Variants in GABRA3 observed in about 807,000 individuals in gnomAD.
GABRA3 encodes gamma-aminobutyric acid type A receptor subunit alpha3.
A neutral mutation model predicts 30.1 loss-of-function variants in GABRA3; 10 were observed. The ratio of observed to expected loss-of-function variants is 0.33; its 90% confidence interval spans 0.20 to 0.56. The LOEUF (loss-of-function observed/expected upper bound fraction) is 0.56. Among genes scored for constraint, GABRA3 ranks in the 20% least tolerant of loss-of-function variants. The pLI is 0.89. For missense variants in GABRA3, 233 were observed against 392.0 expected (o/e 0.59, Z 3.42); for synonymous variants, 151 against 146.8 (o/e 1.03, Z -0.21).
At chrX:152,409,046 T>C (rs1046135592) in intron 1 of GABRA3, among the ~76,000 whole-genome samples, 1 of 111,804 alleles carries the variant, frequency 8.9e-6, no homozygotes, top group African/African-American at 3.3e-5. Context: ...AACCCCTGCT[T>C]CTCACCATAC....
intron 4 of GABRA3, among the ~76,000 whole-genome samples, chrX:152,262,281 T>A (rs778778896): frequency 2.7e-5 from 3 of 112,749 alleles, no homozygotes; most frequent in Non-Finnish European, 5.6e-5. Context: ...ATTGTCTTGG[T>A]AAATAACATT....
chrX:152,228,182 T>C (rs1255580686), intron 5 of GABRA3, among the ~76,000 whole-genome samples: 1 of 111,254 alleles, frequency 9.0e-6, no homozygotes, highest in Non-Finnish European at 1.9e-5. Flanking sequence ...CTTGAAGGGA[T>C]ATTGACAATC....
At chrX:152,205,592 C>G (rs1483017587) in intron 7 of GABRA3, among the ~76,000 whole-genome samples, 1 of 111,642 alleles carries the variant, frequency 9.0e-6, no homozygotes, top group Non-Finnish European at 1.9e-5. Context: ...TCATCATTGT[C>G]AACTATGCTC....
At chrX:152,324,693 C>A (rs1258780518) in intron 3 of GABRA3, among the ~76,000 whole-genome samples, 2 of 111,067 alleles carry the variant, frequency 1.8e-5, no homozygotes. Context: ...TTCAATGATA[C>A]AGATAAAAAT....
chrX:152,312,265 A>G (rs981840922), intron 3 of GABRA3, among the ~76,000 whole-genome samples: 1 of 112,203 alleles, frequency 8.9e-6, no homozygotes, highest in African/African-American at 3.2e-5. Context: ...CCAAAACAGT[A>G]TGGCACTAGA....
At chrX:152,199,182 T>A (rs147789656) in intron 7 of GABRA3, among the ~76,000 whole-genome samples, 20 of 109,216 alleles carry the variant, frequency 1.8e-4, no homozygotes, top group African/African-American at 4.7e-4. Context: ...CTGGCTAACA[T>A]GGTGAAACCC....
intron 5 of GABRA3, among the ~76,000 whole-genome samples, chrX:152,238,063 C>T (rs1383820761): frequency 9.3e-6 from 1 of 107,619 alleles, no homozygotes; most frequent in Non-Finnish European, 1.9e-5. Flanking sequence ...GCATCCCTGT[C>T]TTGTGCCAGT....
Position 152,241,046 on chromosome X carries a change from G to A in GABRA3, c.551+14732C>T, listed in dbSNP as rs769079458. 2.0e-3 allele frequency among the ~76,000 whole-genome samples: 219 copies of A among 109,923 alleles called. 1 individual carries two copies. The highest frequency in any genetic ancestry group is 6.6e-3 in the African/African-American group (199 of 30,243). ...TGTTCCGTTGCTGGTGAGGAACTGC[G>A]TTCCTTTGGAGGAGGAGAAGAGGCG... is the stretch of plus-strand genomic sequence containing the variant. On this transcript the variant is annotated intron_variant, in intron 5 of 9. Coordinates refer to ENST00000370314, the MANE Select transcript of GABRA3 (RefSeq NM_000808.4).
At chrX:152,202,771 C>T (rs1412994375) in intron 7 of GABRA3, among the ~76,000 whole-genome samples, 1 of 111,757 alleles carries the variant, frequency 8.9e-6, no homozygotes. Flanking sequence ...AATAAAACTC[C>T]AGATTATATT....
chrX:152,167,860 C>T lies in GABRA3; in HGVS notation c.*368G>A, dbSNP rs1936955248. The T allele has an allele frequency of 5.3e-6, 1 of 189,821 alleles. No homozygotes were observed. The highest frequency in any genetic ancestry group is 3.0e-5 in the African/African-American group (1 of 33,813). The allele number at this position is 189,821 out of a possible 1,213,427, so 15.6% of individuals were successfully genotyped here. A position where few individuals can be genotyped will look rare whatever the true frequency, so the allele number is the denominator to read the frequency against. On this transcript the variant is annotated 3_prime_UTR_variant, in exon 10 of 10. Coordinates refer to ENST00000370314, the MANE Select transcript of GABRA3 (RefSeq NM_000808.4). The stretch of plus-strand genomic sequence containing the variant: ...ATGGGAGTCAACAATTCTCCTTGTT[C>T]TGGGCCTCTCAAACAGCCAAGGCTT...
At chrX:152,290,114 C>G (rs1462744677) in intron 3 of GABRA3, among the ~76,000 whole-genome samples, 3 of 109,498 alleles carry the variant, frequency 2.7e-5, no homozygotes, top group Non-Finnish European at 5.7e-5. Flanking sequence ...AATGATTGAA[C>G]TAGTTTACCC....
chrX:152,321,976 A>T lies in GABRA3; in HGVS notation c.262+23605T>A, dbSNP rs1384469338. On this transcript the variant is annotated intron_variant, in intron 3 of 9. Transcript: ENST00000370314. Reference sequence around the variant, plus strand: ...AATCATAGAATTGCTACATGACCCCACAATTCCACTCCTAGGTATAAAACC... The same window carrying T: ...AATCATAGAATTGCTACATGACCCCTCAATTCCACTCCTAGGTATAAAACC... Among the ~76,000 whole-genome samples the T allele has an allele frequency of 2.7e-5, 3 of 111,849 alleles. No homozygotes were observed. The Admixed American group carries it at 2.9e-4, about 11-fold the overall frequency.
At chrX:152,292,690 C>A (rs1019894739) in intron 3 of GABRA3, among the ~76,000 whole-genome samples, 1 of 111,671 alleles carries the variant, frequency 9.0e-6, no homozygotes, top group Non-Finnish European at 1.9e-5. Context: ...GCATTTAGTG[C>A]TATATAAATT....
chrX:152,390,351 CTT>C (rs1300951782), intron 1 of GABRA3, among the ~76,000 whole-genome samples: 3 of 112,208 alleles, frequency 2.7e-5, no homozygotes, highest in Non-Finnish European at 5.6e-5. Context: ...GATATATAAA[CTT>C]ATTTCAATAA....
intron 4 of GABRA3, among the ~76,000 whole-genome samples, chrX:152,263,659 T>C (rs6627562): frequency 6.4e-4 from 71 of 110,795 alleles, no homozygotes; most frequent in African/African-American, 2.3e-3. Context: ...AGGTAGAAAA[T>C]TTATTGAAAG....
intron 7 of GABRA3, among the ~76,000 whole-genome samples, chrX:152,204,834 T>C (rs1313772492): frequency 1.8e-5 from 2 of 111,966 alleles, no homozygotes; most frequent in African/African-American, 6.5e-5. Context: ...AGGCTGGAAG[T>C]CTGATACTGA....
chrX:152,235,641 C>T (rs1301580480), intron 5 of GABRA3, among the ~76,000 whole-genome samples: 1 of 111,515 alleles, frequency 9.0e-6, no homozygotes, highest in African/African-American at 3.3e-5. Flanking sequence ...CAAAGATATG[C>T]TTGAGAATAA....
At chrX:152,424,928 C>CTTTTTTTTTTTTTTTTTTTTTTTTTT (rs747255822) in intron 1 of GABRA3, among the ~76,000 whole-genome samples, 2 of 42,334 alleles carry the variant, frequency 4.7e-5, no homozygotes, top group Non-Finnish European at 7.7e-5. Flanking sequence ...TTTTTCTTTT[C>CTTTTTTTTTTTTTTTTTTTTTTTTTT]TTTTTTTTTT....
chrX:152,380,271 C>T (rs1929107508), intron 1 of GABRA3, among the ~76,000 whole-genome samples: 1 of 111,416 alleles, frequency 9.0e-6, no homozygotes, highest in South Asian at 3.8e-4. Context: ...CTCTACCCCA[C>T]CCAATCTCTG....
Sources: gnomAD v4.1 joint callset for allele counts (sites outside exome capture counted in the v4.1 genomes callset) on GRCh38, gnomAD v4.1.1 for gene constraint, MANE v1.5 for transcripts, NCBI Gene and HGNC (gene_info 2026-07-23, HGNC 2026-07-21) for gene names.